CCDC178: variants seen among roughly 807,000 people sequenced by gnomAD.
CCDC178 encodes the protein coiled-coil domain containing 178.
In CCDC178, 126 loss-of-function variants were observed where a neutral mutation model predicts 117.4. The observed-to-expected ratio is 1.07, with a 90% CI of 0.93 to 1.24. The LOEUF (loss-of-function observed/expected upper bound fraction) is 1.24, where lower values mean the gene tolerates loss of function less well. Among genes scored for constraint, CCDC178 ranks in the 50% most tolerant of loss-of-function variants. The pLI is 0.00. For synonymous variants in CCDC178, 283 were observed against 313.4 expected (o/e 0.90, Z 1.02); for missense variants, 1,030 against 986.9 (o/e 1.04, Z -0.59).
intron 12 of CCDC178, among the ~76,000 whole-genome samples, chr18:33,280,268 G>A (rs961182565): frequency 6.6e-6 from 1 of 151,924 alleles, no homozygotes; most frequent in Non-Finnish European, 1.5e-5. Context: ...GAAAAACAAA[G>A]AACCCCATCA....
chr18:33,205,842 A>G (rs1007847519), intron 20 of CCDC178, among the ~76,000 whole-genome samples: 2 of 152,162 alleles, frequency 1.3e-5, no homozygotes, highest in Non-Finnish European at 2.9e-5. Context: ...CTATAGGCCC[A>G]TGCCACCACA....
chr18:32,949,749 T>A (rs2054438723), intron 22 of CCDC178, among the ~76,000 whole-genome samples: 2 of 152,222 alleles, frequency 1.3e-5, no homozygotes, highest in South Asian at 4.1e-4. Context: ...TTCTGGTATT[T>A]TTTGCATTCC....
intron 21 of CCDC178, among the ~76,000 whole-genome samples, chr18:33,063,249 C>A (rs2056957539): frequency 1.3e-5 from 2 of 152,214 alleles, no homozygotes; most frequent in South Asian, 2.1e-4. Context: ...TGAGTATGTG[C>A]CCTCTCTGCC....
At chr18:33,257,363 A>G (rs538792702) in intron 14 of CCDC178, among the ~76,000 whole-genome samples, 4 of 152,178 alleles carry the variant, frequency 2.6e-5, no homozygotes, top group East Asian at 1.9e-4. Flanking sequence ...ATTATTTTCT[A>G]TTCACTTAAG....
Position 33,092,714 on chromosome 18 carries a change from A to G in CCDC178, c.2388+47T>C, listed in dbSNP as rs765647937. The stretch of plus-strand genomic sequence containing the variant: ...TGACTACTTTTTACTTTTGTAGTGC[A>G]TATATGACATAAATCATCACCTTAA... On this transcript the variant is annotated intron_variant, in intron 21 of 22. Coordinates refer to ENST00000383096, the MANE Select transcript of CCDC178 (RefSeq NM_001105528.4). 2.9e-6 allele frequency: 4 copies of G among 1,366,804 alleles called. No homozygotes were observed. In the African/African-American group the frequency reaches 4.5e-5, roughly 15 times the overall value. 84.7% of individuals were successfully genotyped at this position (1,366,804 alleles called of 1,614,324 possible).
chr18:33,262,537 G>A (rs1261688248), intron 14 of CCDC178, among the ~76,000 whole-genome samples: 1 of 152,114 alleles, frequency 6.6e-6, no homozygotes, highest in African/African-American at 2.4e-5. Flanking sequence ...CCTCAACTGA[G>A]TCAAAATGCC....
rs56860371 is a variant in CCDC178 at position 33,436,552 on chromosome 18, T to G, written c.-23+3410A>C. The stretch of plus-strand genomic sequence containing the variant: ...TAGGTTCATCTTAGCCAGTTTGGAT[T>G]GATTGCAGTTTATCTCCAGAGCTAC... On this transcript the variant is annotated intron_variant, in intron 2 of 22. Coordinates refer to ENST00000383096, the MANE Select transcript of CCDC178 (RefSeq NM_001105528.4). Among the ~76,000 whole-genome samples, 1,469 of 152,308 alleles carry G rather than the reference T, an allele frequency of 9.6e-3. 24 individuals carry two copies. The highest frequency in any genetic ancestry group is 0.033 in the African/African-American group (1,373 of 41,562).
At chr18:33,259,386 C>A (rs1025817357) in intron 14 of CCDC178, among the ~76,000 whole-genome samples, 1 of 152,098 alleles carries the variant, frequency 6.6e-6, no homozygotes, top group South Asian at 2.1e-4. Flanking sequence ...TAAAGAACTA[C>A]CTGAGACTGG....
At chr18:33,282,371 G>A (rs1030350777) in intron 12 of CCDC178, among the ~76,000 whole-genome samples, 2 of 152,134 alleles carry the variant, frequency 1.3e-5, no homozygotes, top group African/African-American at 4.8e-5. Context: ...CTCTAGGCTC[G>A]ACTTGCTCCT....
intron 12 of CCDC178, among the ~76,000 whole-genome samples, chr18:33,288,617 T>C (rs1475918222): frequency 6.6e-6 from 1 of 151,510 alleles, no homozygotes; most frequent in Non-Finnish European, 1.5e-5. Context: ...CCTTAAGAAG[T>C]AGACAACTAA....
At chr18:33,360,849 T>C (rs562868147) in intron 6 of CCDC178, among the ~76,000 whole-genome samples, 9 of 151,622 alleles carry the variant, frequency 5.9e-5, no homozygotes, top group Non-Finnish European at 1.2e-4. Context: ...TTGAGCGTGA[T>C]GCAAATAAAT....
intron 18 of CCDC178, among the ~76,000 whole-genome samples, chr18:33,216,787 A>T (rs895613172): frequency 3.3e-5 from 5 of 151,728 alleles, no homozygotes; most frequent in African/African-American, 1.2e-4. Flanking sequence ...AAATAAAAGG[A>T]TTTTTTCTCC....
chr18:33,168,977 A>G (rs1300504390), intron 20 of CCDC178, among the ~76,000 whole-genome samples: 1 of 152,210 alleles, frequency 6.6e-6, no homozygotes, highest in African/African-American at 2.4e-5. Flanking sequence ...GTGTATTTAG[A>G]GTACATGATT....
intron 11 of CCDC178, among the ~76,000 whole-genome samples, chr18:33,322,629 AAAG>A (rs1309719151): frequency 2.0e-5 from 3 of 151,798 alleles, no homozygotes; most frequent in African/African-American, 7.2e-5. Flanking sequence ...CCCATGGGTC[AAAG>A]AAGAAATCAT....
chr18:33,069,849 TA>T (rs1054685029), intron 21 of CCDC178, among the ~76,000 whole-genome samples: 1 of 151,728 alleles, frequency 6.6e-6, no homozygotes, highest in African/African-American at 2.4e-5. Context: ...ATAATCCACT[TA>T]AAAAATGGGT....
chr18:33,102,113 A>C (rs1206866676), intron 20 of CCDC178, among the ~76,000 whole-genome samples: 4 of 151,858 alleles, frequency 2.6e-5, no homozygotes, highest in African/African-American at 9.7e-5. Flanking sequence ...CAGAGATAGC[A>C]TTAACAATTT....
intron 5 of CCDC178, among the ~76,000 whole-genome samples, chr18:33,370,445 A>T (rs1353403144): frequency 1.3e-5 from 2 of 152,032 alleles, no homozygotes; most frequent in East Asian, 3.9e-4. Context: ...CTTCAAGCAA[A>T]GTTGAAAAAC....
intron 22 of CCDC178, among the ~76,000 whole-genome samples, chr18:32,971,423 C>T (rs1266078396): frequency 3.3e-5 from 5 of 152,046 alleles, no homozygotes. Flanking sequence ...CAGTCTGTCA[C>T]TGATGGCCAT....
At chr18:33,171,848 C>T (rs1006180465) in intron 20 of CCDC178, among the ~76,000 whole-genome samples, 1 of 152,180 alleles carries the variant, frequency 6.6e-6, no homozygotes, top group Non-Finnish European at 1.5e-5. Context: ...TGCGAAACTT[C>T]GGTTTTACTT....
Sources: gnomAD v4.1 joint callset for allele counts (sites outside exome capture counted in the v4.1 genomes callset) on GRCh38, gnomAD v4.1.1 for gene constraint, MANE v1.5 for transcripts, NCBI Gene and HGNC (gene_info 2026-07-23, HGNC 2026-07-21) for gene names.